The following CSRNP3 variants were observed in gnomAD, a reference collection of about 807,000 sequenced individuals.
The protein encoded by CSRNP3 is cysteine and serine rich nuclear protein 3.
A neutral mutation model predicts 48.0 loss-of-function variants in CSRNP3; 12 were observed. The observed-to-expected ratio is 0.25, with a 90% CI of 0.16 to 0.41. CSRNP3 has a LOEUF of 0.41. Among genes scored for constraint, CSRNP3 ranks in the 10% least tolerant of loss-of-function variants. CSRNP3 has a pLI of 1.00. For synonymous variants in CSRNP3, 263 were observed against 269.7 expected (o/e 0.98, Z 0.24); for missense variants, 580 against 724.4 (o/e 0.80, Z 2.29).
chr2:165,663,085 C>T (rs1198441115), intron 5 of CSRNP3, among the ~76,000 whole-genome samples: 1 of 152,132 alleles, frequency 6.6e-6, no homozygotes, highest in African/African-American at 2.4e-5. Flanking sequence ...TATAATTCTC[C>T]ACTTTACCTC....
intron 3 of CSRNP3, among the ~76,000 whole-genome samples, chr2:165,570,257 T>C (rs1490879192): frequency 6.6e-6 from 1 of 152,038 alleles, no homozygotes; most frequent in Admixed American, 6.6e-5. Flanking sequence ...AGTTCTGATA[T>C]CCACCTTTAA....
chr2:165,672,566 G>A (rs192016926), intron 5 of CSRNP3, among the ~76,000 whole-genome samples: 9 of 152,238 alleles, frequency 5.9e-5, no homozygotes, highest in African/African-American at 1.7e-4. Flanking sequence ...CACAACATGC[G>A]GGAATTATGG....
intron 3 of CSRNP3, among the ~76,000 whole-genome samples, chr2:165,585,467 A>G (rs1159336705): frequency 2.0e-5 from 3 of 152,178 alleles, no homozygotes; most frequent in African/African-American, 7.2e-5. Flanking sequence ...TGGTGAAGCA[A>G]TCAGAAGAAA....
intron 3 of CSRNP3, among the ~76,000 whole-genome samples, chr2:165,550,506 T>G (rs1232836341): frequency 6.6e-6 from 1 of 152,220 alleles, no homozygotes; most frequent in Non-Finnish European, 1.5e-5. Context: ...AAATTCTAGC[T>G]GTTCTAATTT....
chr2:165,508,793 G>A (rs1319272897), intron 2 of CSRNP3, among the ~76,000 whole-genome samples: 1 of 152,028 alleles, frequency 6.6e-6, no homozygotes, highest in African/African-American at 2.4e-5. Flanking sequence ...ACTTTTATTT[G>A]TTTAATAATT....
chr2:165,580,638 A>AATT (rs1372413512), intron 3 of CSRNP3, among the ~76,000 whole-genome samples: 7 of 152,114 alleles, frequency 4.6e-5, no homozygotes, highest in African/African-American at 9.7e-5. Flanking sequence ...ATGTTTTTTT[A>AATT]AAGTCCCTTT....
chr2:165,522,119 C>A (rs1289863922), intron 3 of CSRNP3, among the ~76,000 whole-genome samples: 1 of 152,064 alleles, frequency 6.6e-6, no homozygotes, highest in African/African-American at 2.4e-5. Context: ...GGCAAAGCCC[C>A]ATCTCTACAA....
intron 2 of CSRNP3, among the ~76,000 whole-genome samples, chr2:165,516,076 G>T (rs1045386554): frequency 6.6e-6 from 1 of 151,776 alleles, no homozygotes; most frequent in South Asian, 2.1e-4. Flanking sequence ...AAAGTGCGGG[G>T]GTTACAGGCA....
In CSRNP3 at chr2:165,688,413, A is replaced by C. The variant is rs1270166596; in HGVS notation, c.*8660A>C. 1.3e-5 allele frequency: 2 copies of C among 152,110 alleles called. No individual in the cohort carries two copies. 9.4% of individuals were successfully genotyped at this position (152,110 alleles called of 1,614,324 possible). ...AATGCCTGTTTACGCAGAAAATGGCACTTTGTTCTTTCAGTGTGTTTCCCT... is the reference window on the plus strand; with the variant it reads ...AATGCCTGTTTACGCAGAAAATGGCCCTTTGTTCTTTCAGTGTGTTTCCCT... On this transcript the variant is annotated 3_prime_UTR_variant, in exon 7 of 7. Transcript: ENST00000651982.
chr2:165,579,408 C>T (rs987041961), intron 3 of CSRNP3, among the ~76,000 whole-genome samples: 1 of 152,158 alleles, frequency 6.6e-6, no homozygotes, highest in Non-Finnish European at 1.5e-5. Context: ...TTTCTGAGCT[C>T]CCTTTTTTTA....
intron 5 of CSRNP3, among the ~76,000 whole-genome samples, chr2:165,669,684 C>A (rs55710905): frequency 0.014 from 2,076 of 152,162 alleles, 56 homozygotes; most frequent in African/African-American, 0.047. Flanking sequence ...TGGTTTCCAT[C>A]TGTCAAAAAA....
intron 3 of CSRNP3, among the ~76,000 whole-genome samples, chr2:165,553,129 T>C (rs1685119223): frequency 6.6e-6 from 1 of 152,178 alleles, no homozygotes; most frequent in Non-Finnish European, 1.5e-5. Flanking sequence ...TTATGACCAG[T>C]AACTGTAGTC....
intron 4 of CSRNP3, among the ~76,000 whole-genome samples, chr2:165,625,152 G>T (rs1686408425): frequency 6.6e-6 from 1 of 152,132 alleles, no homozygotes; most frequent in Admixed American, 6.5e-5. Context: ...TGCAAAATGG[G>T]ACCAGTGAGC....
intron 3 of CSRNP3, among the ~76,000 whole-genome samples, chr2:165,561,220 C>T (rs1574838104): frequency 6.6e-6 from 1 of 152,130 alleles, no homozygotes; most frequent in Non-Finnish European, 1.5e-5. Context: ...TTATGCCTTA[C>T]ATTTGCCGTC....
At chr2:165,505,619 A>G (rs1253939169) in intron 2 of CSRNP3, among the ~76,000 whole-genome samples, 2 of 152,222 alleles carry the variant, frequency 1.3e-5, no homozygotes, top group Non-Finnish European at 2.9e-5. Context: ...ATTACCAGAC[A>G]TGAATCAAGG....
intron 5 of CSRNP3, among the ~76,000 whole-genome samples, chr2:165,661,881 G>A (rs897077977): frequency 3.3e-5 from 5 of 152,210 alleles, no homozygotes; most frequent in East Asian, 3.9e-4. Flanking sequence ...GAAACTCACC[G>A]AACTCAGAGC....
At chr2:165,623,239 TAAG>T (rs1306856927) in intron 4 of CSRNP3, among the ~76,000 whole-genome samples, 1 of 152,098 alleles carries the variant, frequency 6.6e-6, no homozygotes, top group Non-Finnish European at 1.5e-5. Flanking sequence ...TATGGCCTGT[TAAG>T]AAGTGGGCCG....
At chr2:165,592,525 A>G (rs1249211059) in intron 3 of CSRNP3, among the ~76,000 whole-genome samples, 1 of 152,142 alleles carries the variant, frequency 6.6e-6, no homozygotes, top group Non-Finnish European at 1.5e-5. Context: ...CCCAAATCTC[A>G]TCTTGAATTG....
chr2:165,642,103 A>AACACACACACACAC (rs58624766), intron 4 of CSRNP3, among the ~76,000 whole-genome samples: 7 of 132,074 alleles, frequency 5.3e-5, no homozygotes, highest in African/African-American at 8.2e-5. Context: ...CACACACACA[A>AACACACACACACAC]ACACACACAC....
Sources: gnomAD v4.1 joint callset for allele counts (sites outside exome capture counted in the v4.1 genomes callset) on GRCh38, gnomAD v4.1.1 for gene constraint, MANE v1.5 for transcripts, NCBI Gene and HGNC (gene_info 2026-07-23, HGNC 2026-07-21) for gene names.